Variants in AOPEP observed in about 807,000 individuals in gnomAD.
AOPEP encodes the protein aminopeptidase O.
In AOPEP, 77 loss-of-function variants were observed where a neutral mutation model predicts 98.1. That is an observed-to-expected ratio of 0.78 (90% CI 0.65 to 0.95). AOPEP has a LOEUF of 0.95. Among genes scored for constraint, AOPEP ranks in the 40% least tolerant of loss-of-function variants. The pLI, the probability that AOPEP is intolerant of heterozygous loss-of-function variation, is 0.00. For synonymous variants in AOPEP, 346 were observed against 365.3 expected, an observed-to-expected ratio of 0.95 and a Z score of 0.60; for missense variants, 1,024 against 1,024.7, an observed-to-expected ratio of 1.00 and a Z score of 0.01.
chr9:94,884,758 T>C (rs561703858), intron 5 of AOPEP, among the ~76,000 whole-genome samples: 1 of 152,158 alleles, frequency 6.6e-6, no homozygotes, highest in Non-Finnish European at 1.5e-5. Context: ...ACGCCTGTAA[T>C]CCCAGCACTT....
intron 7 of AOPEP, among the ~76,000 whole-genome samples, chr9:94,948,085 CT>C (rs1279092532): frequency 3.9e-5 from 6 of 152,118 alleles, no homozygotes; most frequent in African/African-American, 1.4e-4. Context: ...TAGATATTTT[CT>C]TCTTATTCAT....
chr9:94,963,285 A>C (rs996297789), intron 9 of AOPEP, among the ~76,000 whole-genome samples: 1 of 152,186 alleles, frequency 6.6e-6, no homozygotes, highest in Non-Finnish European at 1.5e-5. Flanking sequence ...ATCCAGTAGA[A>C]TCTACATGTA....
At chr9:95,093,822 C>G in the AOPEP span, among the ~76,000 whole-genome samples, 1 of 152,194 alleles carries the variant, frequency 6.6e-6, no homozygotes, top group East Asian at 1.9e-4. Context: ...GAGGCAGTGA[C>G]ACCCCACCTT....
At chr9:94,925,278 C>T (rs1467088947) in intron 6 of AOPEP, among the ~76,000 whole-genome samples, 5 of 152,332 alleles carry the variant, frequency 3.3e-5, no homozygotes, top group South Asian at 4.1e-4. Flanking sequence ...CGTGAGCCAC[C>T]GCGCCCAGCC....
At chr9:94,935,932 C>T (rs1444606140) in intron 7 of AOPEP, among the ~76,000 whole-genome samples, 1 of 152,176 alleles carries the variant, frequency 6.6e-6, no homozygotes, top group African/African-American at 2.4e-5. Flanking sequence ...CAGGTCCACC[C>T]ACAACAGGGT....
At chr9:94,822,012 C>CAT (rs1554726802) in intron 5 of AOPEP, among the ~76,000 whole-genome samples, 4 of 151,236 alleles carry the variant, frequency 2.6e-5, no homozygotes, top group Non-Finnish European at 5.9e-5. Flanking sequence ...CACACACACA[C>CAT]GCAGGCATTC....
chr9:94,939,021 C>T (rs1009039409), intron 7 of AOPEP, among the ~76,000 whole-genome samples: 7 of 152,004 alleles, frequency 4.6e-5, no homozygotes, highest in Non-Finnish European at 8.8e-5. Flanking sequence ...AGGCCGAGGC[C>T]GGCAGATCAC....
chr9:95,062,311 C>G (rs930310438), intron 14 of AOPEP, among the ~76,000 whole-genome samples: 2 of 152,198 alleles, frequency 1.3e-5, no homozygotes, highest in Non-Finnish European at 2.9e-5. Context: ...TCTTTACCTT[C>G]TGTGCCCCTA....
chr9:94,761,401 C>T (rs566184240), intron 2 of AOPEP, among the ~76,000 whole-genome samples: 21 of 152,148 alleles, frequency 1.4e-4, no homozygotes, highest in Middle Eastern at 3.4e-3. Context: ...TTTATTGATT[C>T]CTCCGTATTT....
At chr9:94,826,290 A>G (rs775319170) in intron 5 of AOPEP, among the ~76,000 whole-genome samples, 16 of 152,316 alleles carry the variant, frequency 1.1e-4, no homozygotes, top group South Asian at 4.1e-4. Flanking sequence ...AGATGGAAGA[A>G]ACATGACCAA....
chr9:94,731,745 GT>G (rs546524505), intron 1 of AOPEP, among the ~76,000 whole-genome samples: 54 of 137,890 alleles, frequency 3.9e-4, no homozygotes, highest in Admixed American at 1.5e-3. Context: ...CTCTTAGAAG[GT>G]TTTTTTTCCC....
intron 16 of AOPEP, among the ~76,000 whole-genome samples, chr9:95,084,417 G>T (rs996880300): frequency 6.6e-6 from 1 of 152,230 alleles, no homozygotes; most frequent in Non-Finnish European, 1.5e-5. Context: ...GTAGCGAAAC[G>T]CCTGCTGCAG....
At chr9:94,945,137 C>G (rs2057478429) in intron 7 of AOPEP, among the ~76,000 whole-genome samples, 1 of 152,024 alleles carries the variant, frequency 6.6e-6, no homozygotes, top group South Asian at 2.1e-4. Context: ...ATATAACAAC[C>G]CCGTGGAATG....
chr9:95,131,506 A>G, the AOPEP span, among the ~76,000 whole-genome samples: 1 of 152,210 alleles, frequency 6.6e-6, no homozygotes, highest in African/African-American at 2.4e-5. Context: ...CTTTCTTCAC[A>G]GAGACTATGC....
chr9:94,861,709 AC>A (rs1319826123), intron 5 of AOPEP, among the ~76,000 whole-genome samples: 2 of 151,926 alleles, frequency 1.3e-5, no homozygotes, highest in Non-Finnish European at 2.9e-5. Flanking sequence ...ACTGTTCCCA[AC>A]CCCCGATATA....
intron 9 of AOPEP, among the ~76,000 whole-genome samples, chr9:94,963,479 G>GA (rs912638848): frequency 1.3e-5 from 2 of 151,298 alleles, no homozygotes; most frequent in Non-Finnish European, 2.9e-5. Context: ...AGTAGGAAAT[G>GA]AAAAAAAAAT....
At chr9:94,728,239 G>GCGCACACACA (rs113657409) in intron 1 of AOPEP, among the ~76,000 whole-genome samples, 1 of 146,512 alleles carries the variant, frequency 6.8e-6, no homozygotes, top group East Asian at 2.0e-4. Flanking sequence ...GTGCGCGCAT[G>GCGCACACACA]CACACACACA....
intron 5 of AOPEP, among the ~76,000 whole-genome samples, chr9:94,861,914 T>A (rs926498705): frequency 2.0e-5 from 3 of 152,184 alleles, no homozygotes; most frequent in African/African-American, 7.2e-5. Context: ...TAGACGGTGC[T>A]CTTCTTGTCC....
At chr9:94,840,563 G>A (rs1205355172) in intron 5 of AOPEP, among the ~76,000 whole-genome samples, 1 of 152,150 alleles carries the variant, frequency 6.6e-6, no homozygotes, top group Non-Finnish European at 1.5e-5. Flanking sequence ...GGAAGAGATT[G>A]TGTAGAATTG....
Sources: allele counts gnomAD v4.1 joint callset (sites outside exome capture counted in the v4.1 genomes callset), GRCh38; gene constraint gnomAD v4.1.1; transcripts MANE v1.5; gene names NCBI Gene and HGNC (gene_info 2026-07-23, HGNC 2026-07-21).